The following C2CD2 variants were observed in gnomAD, a reference collection of about 807,000 sequenced individuals.
The protein encoded by C2CD2 is C2 domain-containing protein 2.
In C2CD2, 43 loss-of-function variants were observed where a neutral mutation model predicts 74.3. That is an observed-to-expected ratio of 0.58 (90% CI 0.45 to 0.75). The LOEUF (loss-of-function observed/expected upper bound fraction) is 0.75, where lower values mean the gene tolerates loss of function less well. C2CD2 is among the 30% of genes least tolerant of loss of function. C2CD2 has a pLI of 0.00. For missense variants in C2CD2, 801 were observed against 916.3 expected (o/e 0.87, Z 1.63); for synonymous variants, 422 against 390.7 (o/e 1.08, Z -0.94).
intron 12 of C2CD2, among the ~76,000 whole-genome samples, chr21:41,900,798 T>C (rs973966115): frequency 1.3e-5 from 2 of 151,880 alleles, no homozygotes; most frequent in Admixed American, 6.6e-5. Flanking sequence ...CATTTGGAAA[T>C]GTCAAAAAAA....
At chr21:41,938,257 A>G (rs993304505) in intron 2 of C2CD2, among the ~76,000 whole-genome samples, 1 of 152,178 alleles carries the variant, frequency 6.6e-6, no homozygotes, top group African/African-American at 2.4e-5. Context: ...AAAACAAAAT[A>G]AAGTCATTGA....
In C2CD2 at chr21:41,945,376, G is replaced by A. The variant is rs1434593080; in HGVS notation, c.280-3131C>T. Among the ~76,000 whole-genome samples, 1 of 152,160 alleles carries A rather than the reference G, an allele frequency of 6.6e-6. No individual in the cohort carries two copies. Among genetic ancestry groups the A allele is most frequent in the Non-Finnish European group, 1.5e-5 (1 of 68,036 alleles). On this transcript the variant is annotated intron_variant, in intron 1 of 13. Coordinates refer to ENST00000380486, the MANE Select transcript of C2CD2 (RefSeq NM_015500.2). This position sits in a 1 kb window ranked among gnomAD's most constrained non-coding sequence, Gnocchi z 4.2. ...CCAAGAGGTAATGAACACACTTAATGCCTAGGTCTTGGTTTCTAAACACTT... is the reference window on the plus strand; with the variant it reads ...CCAAGAGGTAATGAACACACTTAATACCTAGGTCTTGGTTTCTAAACACTT...
At chr21:41,891,594 C>T (rs1470752260) in intron 13 of C2CD2, among the ~76,000 whole-genome samples, 2 of 152,118 alleles carry the variant, frequency 1.3e-5, no homozygotes, top group African/African-American at 4.8e-5. Flanking sequence ...TGAGGGGGAC[C>T]TCAGTGGTGT....
chr21:41,912,815 A>C (rs1485731831), intron 6 of C2CD2, among the ~76,000 whole-genome samples: 1 of 152,144 alleles, frequency 6.6e-6, no homozygotes, highest in African/African-American at 2.4e-5. Flanking sequence ...AATTGCATGA[A>C]GACATTGTAT....
At chr21:41,897,380 G>C (rs766577208) in intron 13 of C2CD2, among the ~76,000 whole-genome samples, 7 of 152,180 alleles carry the variant, frequency 4.6e-5, no homozygotes, top group African/African-American at 9.7e-5. Flanking sequence ...ACCCATGTTT[G>C]TCCCGCTTCG....
intron 1 of C2CD2, 49 bp from the exon 2 acceptor site, chr21:41,942,294 TC>T: frequency 1.5e-6 from 2 of 1,352,588 alleles, no homozygotes; most frequent in Non-Finnish European, 2.1e-6. Context: ...AGGGGCTGCA[TC>T]TTTTAAATTA....
At chr21:41,913,524 C>T (rs377128371) in intron 6 of C2CD2, among the ~76,000 whole-genome samples, 4 of 152,260 alleles carry the variant, frequency 2.6e-5, no homozygotes, top group Admixed American at 6.5e-5. Flanking sequence ...CAACCCTGAC[C>T]GACCGAGTCC....
rs10580778 is a variant in C2CD2 at position 41,916,664 on chromosome 21, TACACACACACACACACACACAC to T, written c.720+1419_720+1440del. On this transcript the variant is annotated intron_variant, in intron 5 of 13. Coordinates refer to ENST00000380486, the MANE Select transcript of C2CD2 (RefSeq NM_015500.2). ...AGCCTTCATAACTGTGTGAGCTGAT[TACACACACACACACACACACAC>T]ACACACACACACACACACACTCCCA... Among the ~76,000 whole-genome samples the T allele has an allele frequency of 5.7e-3, 824 of 144,754 alleles. 13 individuals are homozygous for T. The highest frequency in any genetic ancestry group is 0.019 in the African/African-American group (750 of 38,994). 95.0% of individuals were successfully genotyped at this position (144,754 alleles called of 152,430 possible).
rs866161299 is a variant in C2CD2, at chr21:41,903,854, C to A, written c.1432+1870G>T. Reference sequence around the variant, plus strand: ...GGTCTTTTAAGAGGGATCCTGCCCACGTGACAGGACCCCGCAGCATGGGCA... The same window carrying A: ...GGTCTTTTAAGAGGGATCCTGCCCAAGTGACAGGACCCCGCAGCATGGGCA... On this transcript the variant is annotated intron_variant, in intron 11 of 13. Transcript: ENST00000380486. This position sits in a 1 kb window ranked among gnomAD's most constrained non-coding sequence, Gnocchi z 4.5. Among the ~76,000 whole-genome samples, 8 of 152,244 alleles carry A rather than the reference C, an allele frequency of 5.3e-5. No homozygotes were observed. Among genetic ancestry groups the A allele is most frequent in the South Asian group, 4.1e-4 (2 of 4,822 alleles).
Position 41,929,562 on chromosome 21 carries a change from CCA to C in C2CD2, c.379-7479_379-7478del, listed in dbSNP as rs2065245652. Among the ~76,000 whole-genome samples, 1 of 152,228 alleles carries C rather than the reference CCA, an allele frequency of 6.6e-6. No homozygotes were observed. The highest frequency in any genetic ancestry group is 2.1e-4 in the South Asian group (1 of 4,834). Reference sequence around the variant, plus strand: ...CCTGGCTTCTGAGATGGGCCTTTCCCCAGACTAGGTGGGTTATAACTTTTATT... The same window carrying C: ...CCTGGCTTCTGAGATGGGCCTTTCCCGACTAGGTGGGTTATAACTTTTATT... On this transcript the variant is annotated intron_variant, in intron 2 of 13. Transcript: ENST00000380486. This position sits in a 1 kb window ranked among gnomAD's most constrained non-coding sequence, Gnocchi z 4.6.
chr21:41,947,048 C>T (rs187706188), intron 1 of C2CD2, among the ~76,000 whole-genome samples: 1 of 151,306 alleles, frequency 6.6e-6, no homozygotes, highest in African/African-American at 2.4e-5. Context: ...AGAAGGCCTT[C>T]GCTTTTGTTG....
chr21:41,942,128 A>T lies in C2CD2; in HGVS notation c.378+19T>A. 1 of 1,548,626 alleles carries T rather than the reference A, an allele frequency of 6.5e-7. No individual in the cohort carries two copies. The highest frequency in any genetic ancestry group is 2.4e-5 in the East Asian group (1 of 40,878). ...ATCAAGTTCACCTCTTCCTGCAGGG[A>T]ATGGGCTCCTGGGCTCACCTTCTCC... On this transcript the variant is annotated intron_variant, in intron 2 of 13. Transcript: ENST00000380486.
intron 5 of C2CD2, among the ~76,000 whole-genome samples, chr21:41,915,749 C>A (rs1164585555): frequency 2.0e-5 from 3 of 152,144 alleles, no homozygotes; most frequent in Non-Finnish European, 2.9e-5. Context: ...CAAGAGTGTT[C>A]TTTTATTTTA....
At chr21:41,914,536 C>A (rs1466293898) in intron 6 of C2CD2, 62 bp downstream of exon 6, 3 of 1,526,338 alleles carry the variant, frequency 2.0e-6, no homozygotes, top group African/African-American at 2.8e-5. Context: ...CCCCGGAGCC[C>A]CCGACTCTGC....
chr21:41,894,737 T>C (rs1334343977), intron 13 of C2CD2: 3 of 456,782 alleles, frequency 6.6e-6, no homozygotes, highest in Middle Eastern at 3.3e-4. Context: ...CCTTTCTCAA[T>C]AGCAATGGGA....
At chr21:41,894,931 C>T (rs1006404859) in intron 13 of C2CD2, 30 of 456,578 alleles carry the variant, frequency 6.6e-5, no homozygotes, top group Admixed American at 2.8e-4. Flanking sequence ...TGGAATGTAC[C>T]GGTCTGCCCA....
chr21:41,945,429 G>A lies in C2CD2; in HGVS notation c.280-3184C>T, dbSNP rs2065390318. Among the ~76,000 whole-genome samples, 1 of 151,978 alleles carries A rather than the reference G, an allele frequency of 6.6e-6. No individual in the cohort carries two copies. Among genetic ancestry groups the A allele is most frequent in the African/African-American group, 2.4e-5 (1 of 41,360 alleles). On this transcript the variant is annotated intron_variant, in intron 1 of 13. Coordinates refer to ENST00000380486, the MANE Select transcript of C2CD2 (RefSeq NM_015500.2). This position sits in a 1 kb window ranked among gnomAD's most constrained non-coding sequence, Gnocchi z 4.2. ...CCAATAAAAGGAATCAGGGCTGCTT[G>A]AAGAAGTGGCTGAATCCAGGGCCTG...
Position 41,886,192 on chromosome 21 carries a change from G to C in C2CD2, c.*2932C>G, listed in dbSNP as rs1188831276. 6.6e-6 allele frequency: 1 copy of C among 152,146 alleles called. No individual in the cohort carries two copies. The highest frequency in any genetic ancestry group is 1.5e-5 in the Non-Finnish European group (1 of 68,028). The allele number at this position is 152,146 out of a possible 1,614,324, so 9.4% of individuals were successfully genotyped here. On this transcript the variant is annotated 3_prime_UTR_variant, in exon 14 of 14. Transcript: ENST00000380486. ...TTAATCTTAGTGTTCATGAGGAATTGTTTTTAAAACACAACTGGGCAAAAC... is the reference window on the plus strand; with the variant it reads ...TTAATCTTAGTGTTCATGAGGAATTCTTTTTAAAACACAACTGGGCAAAAC...
intron 13 of C2CD2, among the ~76,000 whole-genome samples, chr21:41,898,739 T>C (rs2064853166): frequency 6.6e-6 from 1 of 152,180 alleles, no homozygotes; most frequent in Admixed American, 6.5e-5. Context: ...CAGCCCATCA[T>C]TGTGTACAGC....
Sources: gnomAD v4.1 joint callset for allele counts (sites outside exome capture counted in the v4.1 genomes callset) on GRCh38, gnomAD v4.1.1 for gene constraint, Gnocchi (gnomAD v3.1) non-coding constraint, MANE v1.5 for transcripts, NCBI Gene and HGNC (gene_info 2026-07-23, HGNC 2026-07-21) for gene names.